ATRN: variants seen among roughly 807,000 people sequenced by gnomAD.
The protein encoded by ATRN is attractin.
ATRN carries 54 observed loss-of-function variants against 178.7 expected under a neutral mutation model. The observed-to-expected ratio is 0.30, with a 90% CI of 0.24 to 0.38. The LOEUF (loss-of-function observed/expected upper bound fraction) is 0.38. Among genes scored for constraint, ATRN ranks in the 10% least tolerant of loss-of-function variants. The probability of loss-of-function intolerance (pLI) is 1.00; values close to 1 mark genes in which losing one functional copy is unlikely to be tolerated. For missense variants in ATRN, 1,443 were observed against 1,815.1 expected, an observed-to-expected ratio of 0.79 and a Z score of 3.73; for synonymous variants, 636 against 663.0, an observed-to-expected ratio of 0.96 and a Z score of 0.63.
chr20:3,530,928 T>G (rs1335655651), intron 1 of ATRN, among the ~76,000 whole-genome samples: 1 of 152,180 alleles, frequency 6.6e-6, no homozygotes, highest in Non-Finnish European at 1.5e-5. Context: ...CAGAATTACC[T>G]CAGTATTCTT....
intron 1 of ATRN, among the ~76,000 whole-genome samples, chr20:3,518,748 A>G (rs1262700693): frequency 6.6e-6 from 1 of 152,138 alleles, no homozygotes; most frequent in Non-Finnish European, 1.5e-5. Context: ...AAAGCAGCAT[A>G]TTATTTCATT....
chr20:3,600,870 A>T, intron 22 of ATRN, 76 bp from the exon 23 acceptor site: 1 of 1,300,856 alleles, frequency 7.7e-7, no homozygotes, highest in South Asian at 1.3e-5. Flanking sequence ...CATTTAGAGG[A>T]GTAAACTTTA....
chr20:3,593,354 T>G (rs2086480088), intron 19 of ATRN, among the ~76,000 whole-genome samples: 1 of 152,164 alleles, frequency 6.6e-6, no homozygotes, highest in African/African-American at 2.4e-5. Flanking sequence ...AGTCCTTAGG[T>G]AACGATAGTA....
chr20:3,606,755 GT>G (rs1356954739), intron 24 of ATRN, among the ~76,000 whole-genome samples: 1 of 152,144 alleles, frequency 6.6e-6, no homozygotes, highest in Non-Finnish European at 1.5e-5. Flanking sequence ...TAATATTTTG[GT>G]TAGAATTTTG....
intron 1 of ATRN, among the ~76,000 whole-genome samples, chr20:3,494,841 C>T (rs1365185013): frequency 6.6e-6 from 1 of 152,002 alleles, no homozygotes; most frequent in East Asian, 1.9e-4. Context: ...CTTGATCTAG[C>T]CAGGACAATT....
chr20:3,586,648 C>A (rs1260779747), intron 18 of ATRN, among the ~76,000 whole-genome samples: 1 of 147,974 alleles, frequency 6.8e-6, no homozygotes, highest in Non-Finnish European at 1.5e-5. Flanking sequence ...AGAGTAGCTG[C>A]AGTATTATTT....
rs2084714511 is a variant in ATRN, at chr20:3,487,665, A to G, written c.410+16148A>G. ...TCAATGGACATATGTCTCTAGAGAGAGTTTGTGATTACTTCTTCTAGATAT... is the reference window on the plus strand; with the variant it reads ...TCAATGGACATATGTCTCTAGAGAGGGTTTGTGATTACTTCTTCTAGATAT... On this transcript the variant is annotated intron_variant, in intron 1 of 28. Coordinates refer to ENST00000262919, the MANE Select transcript of ATRN (RefSeq NM_139321.3). Among the ~76,000 whole-genome samples, 3 of 152,162 alleles carry G rather than the reference A, an allele frequency of 2.0e-5. No homozygotes were observed. In the South Asian group the frequency reaches 6.2e-4, roughly 32 times the overall value.
At chr20:3,564,127 AT>A (rs2085995567) in intron 10 of ATRN, among the ~76,000 whole-genome samples, 2 of 152,212 alleles carry the variant, frequency 1.3e-5, no homozygotes, top group African/African-American at 2.4e-5. Context: ...TTTAACAGAC[AT>A]TTGTGTGCCA....
At chr20:3,554,555 C>T (rs1044113389) in intron 6 of ATRN, among the ~76,000 whole-genome samples, 9 of 151,822 alleles carry the variant, frequency 5.9e-5, no homozygotes, top group Admixed American at 5.2e-4. Flanking sequence ...AGGATGGTCT[C>T]GATCTCCTGA....
chr20:3,600,886 T>G (rs2086598903), intron 22 of ATRN, 60 bp from the exon 23 acceptor site: 2 of 1,461,830 alleles, frequency 1.4e-6, no homozygotes, highest in African/African-American at 2.8e-5. Flanking sequence ...CTTTATTGCT[T>G]TATTTTAAAA....
intron 1 of ATRN, among the ~76,000 whole-genome samples, chr20:3,534,541 A>C (rs2146178069): frequency 6.6e-6 from 1 of 152,340 alleles, no homozygotes; most frequent in East Asian, 1.9e-4. Context: ...ATGACTCAGA[A>C]GGTAAGGGAG....
Position 3,575,949 on chromosome 20 carries a change from G to A in ATRN, c.2214+1G>A. 1 of 1,612,746 alleles carries A rather than the reference G, an allele frequency of 6.2e-7. No individual in the cohort carries two copies. Among genetic ancestry groups the A allele is most frequent in the Non-Finnish European group, 8.5e-7 (1 of 1,179,584 alleles). On this transcript the variant is annotated splice_donor_variant, in intron 13 of 28. Transcript: ENST00000262919. LOFTEE classifies it high-confidence loss of function. ...GAACCACAGCTGCTCAGAAGGCCAGGTCAGAGGCTGTTTCTTAAAGATTTC... is the reference window on the plus strand; with the variant it reads ...GAACCACAGCTGCTCAGAAGGCCAGATCAGAGGCTGTTTCTTAAAGATTTC...
At chr20:3,556,001 T>C (rs575185104) in intron 6 of ATRN, among the ~76,000 whole-genome samples, 50 of 152,176 alleles carry the variant, frequency 3.3e-4, no homozygotes, top group South Asian at 4.1e-4. Context: ...AAAAACAAGC[T>C]AGAAGACAAG....
intron 1 of ATRN, 111 bp from the exon 2 acceptor site, chr20:3,535,142 G>A (rs1465976920): frequency 1.1e-5 from 4 of 354,722 alleles, no homozygotes; most frequent in Non-Finnish European, 1.8e-5. Context: ...TGTTTAATTT[G>A]TATTATATTA....
chr20:3,566,389 A>G (rs2086036426), intron 11 of ATRN, among the ~76,000 whole-genome samples: 1 of 152,186 alleles, frequency 6.6e-6, no homozygotes, highest in Admixed American at 6.5e-5. Context: ...TGTGCTTTAA[A>G]GATTTTTAAG....
chr20:3,541,689 A>G (rs1319452391), intron 3 of ATRN, among the ~76,000 whole-genome samples: 1 of 152,232 alleles, frequency 6.6e-6, no homozygotes, highest in East Asian at 1.9e-4. Context: ...AACCTCTGTC[A>G]TATATGTGGT....
chr20:3,558,320 T>C (rs1170537778), intron 6 of ATRN, among the ~76,000 whole-genome samples: 1 of 152,170 alleles, frequency 6.6e-6, no homozygotes, highest in Non-Finnish European at 1.5e-5. Flanking sequence ...TGTATACTTA[T>C]TCTTTATGTT....
At chr20:3,519,006 T>TATATATAGAAAAAA (rs770584938) in intron 1 of ATRN, among the ~76,000 whole-genome samples, 3 of 119,494 alleles carry the variant, frequency 2.5e-5, no homozygotes, top group African/African-American at 1.0e-4. Context: ...TCCTTATATA[T>TATATATAGAAAAAA]AAAAAAAAAA....
In ATRN at chr20:3,582,218, A is replaced by AAAT. The variant is rs2086291583; in HGVS notation, c.2630_2632dup (p.Asn877dup). On this transcript the variant is annotated inframe_insertion, in exon 16 of 29. Transcript: ENST00000262919. ...GCTGGGAAGATATGTCCCCATTTAC[A>AAAT]AATAGTTTACTACAGTGGATGCCGT... 6.2e-7 allele frequency: 1 copy of AAAT among 1,614,044 alleles called. No individual in the cohort carries two copies. The highest frequency in any genetic ancestry group is 1.1e-5 in the South Asian group (1 of 91,084).
Sources: gnomAD v4.1 joint callset for allele counts (sites outside exome capture counted in the v4.1 genomes callset) on GRCh38, gnomAD v4.1.1 for gene constraint, MANE v1.5 for transcripts, NCBI Gene and HGNC (gene_info 2026-07-23, HGNC 2026-07-21) for gene names.